RCOR1: variants seen among roughly 807,000 people sequenced by gnomAD.
The protein encoded by RCOR1 is REST corepressor.
A neutral mutation model predicts 64.0 loss-of-function variants in RCOR1; 12 were observed. The observed-to-expected ratio is 0.19, with a 90% confidence interval of 0.12 to 0.30. The LOEUF is 0.30. Ranked by LOEUF, RCOR1 falls within the 10% of genes least tolerant of loss-of-function variation. RCOR1 has a pLI of 1.00. For synonymous variants in RCOR1, 279 were observed against 227.2 expected (o/e 1.23, Z -2.05); for missense variants, 502 against 621.2 (o/e 0.81, Z 2.04).
Position 102,722,413 on chromosome 14 carries a change from C to T in RCOR1, c.1416C>T (p.Asp472=), listed in dbSNP as rs767226955. The change falls in exon 11 of 12, where the codon GAC becomes GAT. Residue 472 remains aspartate, a synonymous_variant. Transcript: ENST00000262241. ...CCATTAAGATGCCCGAAGAGGAAGA[C>T]GAGGTAAATCTGAAACAAAACAGTC... ...DNSIKMPEEE[D]EAPVLDVRYA... The T allele has an allele frequency of 1.6e-5, 25 of 1,608,634 alleles. No individual in the cohort carries two copies. The highest frequency in any genetic ancestry group is 8.0e-5 in the African/African-American group (6 of 74,628).
At chr14:102,685,883 G>A in intron 3 of RCOR1, among the ~76,000 whole-genome samples, 1 of 152,000 alleles carries the variant, frequency 6.6e-6, no homozygotes, top group South Asian at 2.1e-4. Flanking sequence ...CTTGAGCTCA[G>A]GAGTTCAAGA....
intron 2 of RCOR1, among the ~76,000 whole-genome samples, chr14:102,648,339 G>A (rs1036590748): frequency 5.9e-4 from 90 of 152,162 alleles, no homozygotes; most frequent in Admixed American, 2.2e-3. Flanking sequence ...TTGGCCTCCC[G>A]AAGTGCTGGG....
At chr14:102,595,814 C>T (rs1050484751) in intron 2 of RCOR1, among the ~76,000 whole-genome samples, 6 of 152,026 alleles carry the variant, frequency 3.9e-5, no homozygotes, top group African/African-American at 1.2e-4. Context: ...CTCCTGACCT[C>T]GTGATCCGCC....
chr14:102,626,920 A>G (rs1893993682), intron 2 of RCOR1, among the ~76,000 whole-genome samples: 1 of 152,164 alleles, frequency 6.6e-6, no homozygotes. Flanking sequence ...GCTTTCCCAT[A>G]GCTCAATGTG....
chr14:102,666,413 G>A lies in RCOR1; in HGVS notation c.362-15482G>A, dbSNP rs144882106. On this transcript the variant is annotated intron_variant, in intron 2 of 11. Coordinates refer to ENST00000262241, the MANE Select transcript of RCOR1 (RefSeq NM_015156.4). ...CATATACCCTACACCCAGTTTCCCCGTTATTAACATCTTACATTAGTATGG... is the reference window on the plus strand; with the variant it reads ...CATATACCCTACACCCAGTTTCCCCATTATTAACATCTTACATTAGTATGG... Among the ~76,000 whole-genome samples, 52 of 152,242 alleles carry A rather than the reference G, an allele frequency of 3.4e-4. 1 individual carries two copies. In the East Asian group the frequency reaches 6.7e-3, roughly 20 times the overall value.
At position 102,726,734 on chromosome 14, in the gene RCOR1, G is replaced by T. The variant is rs557772790; in HGVS notation, c.*228G>T. 3.8e-6 allele frequency: 2 copies of T among 527,576 alleles called. No individual in the cohort carries two copies. The highest frequency in any genetic ancestry group is 7.9e-5 in the Admixed American group (2 of 25,164). The allele number at this position is 527,576 out of a possible 1,614,324, so 32.7% of individuals were successfully genotyped here. A position where few individuals can be genotyped will look rare whatever the true frequency, so the allele number is the denominator to read the frequency against. On this transcript the variant is annotated 3_prime_UTR_variant, in exon 12 of 12. Coordinates refer to ENST00000262241, the MANE Select transcript of RCOR1 (RefSeq NM_015156.4). ...CCACTGCATCTCACACTCTGCCCAC[G>T]TGCTGGGGAAGTCTCACGGCCTGCA... is the stretch of plus-strand genomic sequence containing the variant.
chr14:102,630,287 C>G (rs749799365), intron 2 of RCOR1, among the ~76,000 whole-genome samples: 2 of 152,192 alleles, frequency 1.3e-5, no homozygotes, highest in African/African-American at 2.4e-5. Context: ...CATGCTGGCT[C>G]CCCTTCACCT....
At chr14:102,682,019 A>C (rs1194871322) in intron 3 of RCOR1, 41 bp downstream of exon 3, 6 of 1,430,916 alleles carry the variant, frequency 4.2e-6, no homozygotes, top group Admixed American at 1.7e-5. Context: ...TTCTTGTTTA[A>C]TGTAAGGTTT....
In RCOR1 at chr14:102,721,387, A is replaced by T. The variant is rs1355782052; in HGVS notation, c.1189+10A>T. 1 of 1,610,466 alleles carries T rather than the reference A, an allele frequency of 6.2e-7. No homozygotes were observed. The highest frequency in any genetic ancestry group is 1.7e-5 in the Admixed American group (1 of 59,976). On this transcript the variant is annotated intron_variant, in intron 10 of 11. Coordinates refer to ENST00000262241, the MANE Select transcript of RCOR1 (RefSeq NM_015156.4). ...CTTCTCGCCGTACAAGGTAGGGGGA[A>T]GTTCTTCTAAAGAGTTTAGGAGGCC...
intron 2 of RCOR1, among the ~76,000 whole-genome samples, chr14:102,672,776 A>G (rs186592934): frequency 6.6e-6 from 1 of 152,198 alleles, no homozygotes; most frequent in African/African-American, 2.4e-5. Flanking sequence ...GATGTGTAGA[A>G]ATTGGAACTC....
chr14:102,686,696 T>C (rs957451596), intron 3 of RCOR1, among the ~76,000 whole-genome samples: 2 of 152,236 alleles, frequency 1.3e-5, no homozygotes, highest in African/African-American at 4.8e-5. Flanking sequence ...CTTTTCAAAT[T>C]GGCTTCTTTC....
chr14:102,601,247 A>G (rs959470112), intron 2 of RCOR1, among the ~76,000 whole-genome samples: 1 of 149,834 alleles, frequency 6.7e-6, no homozygotes, highest in East Asian at 2.1e-4. Context: ...TCTTGACCTC[A>G]GGTGATTGAC....
At chr14:102,616,250 A>G (rs201175753) in intron 2 of RCOR1, among the ~76,000 whole-genome samples, 22 of 101,980 alleles carry the variant, frequency 2.2e-4, no homozygotes, top group East Asian at 4.6e-4. Context: ...GTGTGTGTGT[A>G]TGTGTGTGTG....
chr14:102,614,815 T>C (rs1893718270), intron 2 of RCOR1, among the ~76,000 whole-genome samples: 1 of 151,824 alleles, frequency 6.6e-6, no homozygotes, highest in Non-Finnish European at 1.5e-5. Context: ...AAAACAAAAA[T>C]AAAAATAATT....
At chr14:102,692,762 C>T (rs201021114) in intron 3 of RCOR1, among the ~76,000 whole-genome samples, 19 of 85,826 alleles carry the variant, frequency 2.2e-4, no homozygotes, top group Admixed American at 5.1e-4. Flanking sequence ...CCTTCTTTTT[C>T]TTTTTCTTTT....
At chr14:102,606,973 G>GC (rs1325634666) in intron 2 of RCOR1, among the ~76,000 whole-genome samples, 4 of 126,736 alleles carry the variant, frequency 3.2e-5, no homozygotes, top group Non-Finnish European at 6.4e-5. Flanking sequence ...TCACTCTGTC[G>GC]CCCAGGCTGG....
intron 2 of RCOR1, among the ~76,000 whole-genome samples, chr14:102,610,118 G>A (rs1337817127): frequency 3.4e-5 from 5 of 145,316 alleles, no homozygotes; most frequent in Non-Finnish European, 7.5e-5. Context: ...CAACAAGAGC[G>A]AAACTCCATC....
At chr14:102,606,449 G>A (rs1379817140) in intron 2 of RCOR1, among the ~76,000 whole-genome samples, 4 of 152,108 alleles carry the variant, frequency 2.6e-5, no homozygotes, top group South Asian at 2.1e-4. Flanking sequence ...TTGGTGTTCT[G>A]CTTTCAAACT....
intron 3 of RCOR1, chr14:102,695,451 T>C (rs1895625477): frequency 1.3e-5 from 2 of 152,270 alleles, no homozygotes; most frequent in Non-Finnish European, 2.9e-5. Flanking sequence ...AACTCCTTGT[T>C]CTTCTCTCTT....
Sources: gnomAD v4.1 joint callset for allele counts (sites outside exome capture counted in the v4.1 genomes callset) on GRCh38, gnomAD v4.1.1 for gene constraint, MANE v1.5 for transcripts, NCBI Gene and HGNC (gene_info 2026-07-23, HGNC 2026-07-21) for gene names.